The following MECOM variants were observed in gnomAD, a reference collection of about 807,000 sequenced individuals.
MECOM encodes the protein MDS1 and EVI1 complex locus.
A neutral mutation model predicts 116.3 loss-of-function variants in MECOM; 13 were observed. The observed-to-expected ratio is 0.11, with a 90% CI of 0.07 to 0.18. MECOM has a LOEUF of 0.18. Ranked by LOEUF, MECOM falls within the 10% of genes least tolerant of loss-of-function variation. MECOM has a pLI of 1.00. For synonymous variants in MECOM, 528 were observed against 535.2 expected (o/e 0.99, Z 0.19); for missense variants, 1,299 against 1,509.0 (o/e 0.86, Z 2.31).
At chr3:169,225,522 AC>A (rs1260455180) in intron 2 of MECOM, among the ~76,000 whole-genome samples, 1 of 152,198 alleles carries the variant, frequency 6.6e-6, no homozygotes, top group Non-Finnish European at 1.5e-5. Context: ...AAATTCAAAA[AC>A]AGGGCCCATA....
intron 2 of MECOM, among the ~76,000 whole-genome samples, chr3:169,158,393 C>T (rs539973904): frequency 6.6e-5 from 10 of 152,040 alleles, no homozygotes; most frequent in South Asian, 2.1e-4. Flanking sequence ...CAGAGGGAAA[C>T]GGAAGGCAGG....
chr3:169,164,429 AT>A (rs1204336704), intron 2 of MECOM, among the ~76,000 whole-genome samples: 2 of 152,112 alleles, frequency 1.3e-5, no homozygotes, highest in Non-Finnish European at 2.9e-5. Flanking sequence ...AGTCTTGGGT[AT>A]ATCTTTATCA....
intron 2 of MECOM, among the ~76,000 whole-genome samples, chr3:169,194,493 G>T (rs1304992544): frequency 6.6e-6 from 1 of 151,618 alleles, no homozygotes; most frequent in Non-Finnish European, 1.5e-5. Flanking sequence ...CAATTTAAAG[G>T]TTAAAAAAAA....
intron 1 of MECOM, among the ~76,000 whole-genome samples, chr3:169,569,710 C>A (rs1398502939): frequency 6.6e-6 from 1 of 152,142 alleles, no homozygotes; most frequent in Non-Finnish European, 1.5e-5. Flanking sequence ...AGAAACTGAA[C>A]AACCTGCTCC....
chr3:169,490,077 A>G lies in MECOM; in HGVS notation c.38-108553T>C, dbSNP rs111388184. Among the ~76,000 whole-genome samples the G allele has an allele frequency of 5.3e-3, 811 of 152,330 alleles. 13 individuals are homozygous for G. The highest frequency in any genetic ancestry group is 0.019 in the African/African-American group (776 of 41,594). On this transcript the variant is annotated intron_variant, in intron 1 of 16. Coordinates refer to ENST00000651503, the MANE Select transcript of MECOM (RefSeq NM_004991.4). ...CAAAATCCACAGAAATGAAACCTGA[A>G]TGGCCAATAAACATGAAAATATGAT...
chr3:169,456,669 C>T (rs942434499), intron 1 of MECOM, among the ~76,000 whole-genome samples: 7 of 152,118 alleles, frequency 4.6e-5, no homozygotes, highest in Non-Finnish European at 8.8e-5. Flanking sequence ...GATTCAAATT[C>T]CCTGTCCTAG....
At chr3:169,191,848 A>G (rs1747743476) in intron 2 of MECOM, among the ~76,000 whole-genome samples, 1 of 152,080 alleles carries the variant, frequency 6.6e-6, no homozygotes, top group South Asian at 2.1e-4. Flanking sequence ...AAACATAGGT[A>G]AAAACACTAA....
intron 2 of MECOM, among the ~76,000 whole-genome samples, chr3:169,357,442 A>G (rs1727455120): frequency 1.3e-5 from 2 of 151,844 alleles, no homozygotes; most frequent in Non-Finnish European, 2.9e-5. Flanking sequence ...TTAAAACTAG[A>G]TGCATTTGCT....
At chr3:169,370,907 G>T (rs1259642383) in intron 2 of MECOM, among the ~76,000 whole-genome samples, 1 of 151,910 alleles carries the variant, frequency 6.6e-6, no homozygotes, top group South Asian at 2.1e-4. Flanking sequence ...TTTATATACT[G>T]TTGGTAGGAA....
chr3:169,452,328 T>G (rs1364841666), intron 1 of MECOM, among the ~76,000 whole-genome samples: 1 of 152,160 alleles, frequency 6.6e-6, no homozygotes, highest in Admixed American at 6.6e-5. Flanking sequence ...TTAAATTAAA[T>G]AAGTTAACAT....
At chr3:169,345,691 T>A (rs1166695768) in intron 2 of MECOM, among the ~76,000 whole-genome samples, 4 of 152,268 alleles carry the variant, frequency 2.6e-5, no homozygotes, top group African/African-American at 9.6e-5. Context: ...AAATTCCACT[T>A]TTGTACATGC....
intron 2 of MECOM, among the ~76,000 whole-genome samples, chr3:169,201,312 A>C (rs1267756550): frequency 1.3e-5 from 2 of 151,966 alleles, no homozygotes; most frequent in Non-Finnish European, 2.9e-5. Flanking sequence ...GAAAGAGAAA[A>C]TCTATTCTAC....
intron 2 of MECOM, among the ~76,000 whole-genome samples, chr3:169,286,520 G>C (rs1713354639): frequency 6.6e-6 from 1 of 152,150 alleles, no homozygotes. Context: ...TTTGTTTTCT[G>C]TCTTCCACGG....
chr3:169,372,814 C>T (rs568521867), intron 2 of MECOM, among the ~76,000 whole-genome samples: 135 of 151,972 alleles, frequency 8.9e-4, no homozygotes, highest in African/African-American at 2.8e-3. Context: ...ATTATTCCTA[C>T]GTGACATGTA....
At chr3:169,542,160 A>C (rs1397326080) in intron 1 of MECOM, among the ~76,000 whole-genome samples, 1 of 152,206 alleles carries the variant, frequency 6.6e-6, no homozygotes, top group African/African-American at 2.4e-5. Context: ...ACGCATTGAA[A>C]GTTTTCCAAG....
chr3:169,457,238 A>G (rs1270542422), intron 1 of MECOM, among the ~76,000 whole-genome samples: 1 of 152,054 alleles, frequency 6.6e-6, no homozygotes. Context: ...TAGCCCATGG[A>G]TGGGGCAGCG....
At chr3:169,601,813 T>C (rs1186661823) in intron 1 of MECOM, among the ~76,000 whole-genome samples, 1 of 152,170 alleles carries the variant, frequency 6.6e-6, no homozygotes, top group Non-Finnish European at 1.5e-5. Flanking sequence ...ATTCCAAAAT[T>C]TAATTGATAA....
chr3:169,631,682 A>G (rs963946140), intron 1 of MECOM, among the ~76,000 whole-genome samples: 3 of 140,740 alleles, frequency 2.1e-5, no homozygotes, highest in Non-Finnish European at 3.0e-5. Context: ...TCATTGTTCA[A>G]TTCCCACCTA....
chr3:169,335,597 A>T (rs1418422676), intron 2 of MECOM, among the ~76,000 whole-genome samples: 1 of 152,158 alleles, frequency 6.6e-6, no homozygotes, highest in African/African-American at 2.4e-5. Flanking sequence ...TAAATATATA[A>T]CTGAGATTCA....
Sources: allele counts gnomAD v4.1 joint callset (sites outside exome capture counted in the v4.1 genomes callset), GRCh38; gene constraint gnomAD v4.1.1; transcripts MANE v1.5; gene names NCBI Gene and HGNC (gene_info 2026-07-23, HGNC 2026-07-21).